Variants in BRD10 observed in about 807,000 individuals in gnomAD.
The protein encoded by BRD10 is uncharacterized bromodomain-containing protein 10.
At chr9:5,923,006 G>C in the BRD10 span, 1 of 1,613,846 alleles carries the variant, frequency 6.2e-7, no homozygotes, top group Non-Finnish European at 8.5e-7. Flanking sequence ...CTGGAGAGTA[G>C]ACACTGGTAC....
the BRD10 span, among the ~76,000 whole-genome samples, chr9:5,945,490 A>T: frequency 1.3e-5 from 2 of 152,158 alleles, no homozygotes; most frequent in Non-Finnish European, 2.9e-5. Flanking sequence ...AAACAAAATG[A>T]AGTACACATT....
the BRD10 span, among the ~76,000 whole-genome samples, chr9:5,993,312 T>TAAAA: frequency 0.024 from 2,774 of 116,002 alleles, 40 homozygotes; most frequent in Non-Finnish European, 0.031. Flanking sequence ...GAGACTCCAT[T>TAAAA]AAAAAAAAAA....
At chr9:5,920,787 T>C in the BRD10 span, 1 of 1,614,012 alleles carries the variant, frequency 6.2e-7, no homozygotes. Flanking sequence ...AAAGCTGATG[T>C]TAAACATTTA....
chr9:5,900,682 G>C, the BRD10 span, among the ~76,000 whole-genome samples: 1 of 152,016 alleles, frequency 6.6e-6, no homozygotes, highest in Non-Finnish European at 1.5e-5. Context: ...TTGGAATTTA[G>C]ATCTCTTAAA....
the BRD10 span, among the ~76,000 whole-genome samples, chr9:5,949,615 A>C: frequency 1.3e-5 from 2 of 152,174 alleles, no homozygotes; most frequent in Non-Finnish European, 2.9e-5. Context: ...AATCATGCAT[A>C]TGAAATGGGA....
chr9:5,927,010 T>C, the BRD10 span, among the ~76,000 whole-genome samples: 1 of 152,276 alleles, frequency 6.6e-6, no homozygotes, highest in African/African-American at 2.4e-5. Flanking sequence ...TGGAAGCACA[T>C]GAGGGCTGTG....
chr9:5,998,488 T>C, the BRD10 span, among the ~76,000 whole-genome samples: 1 of 152,138 alleles, frequency 6.6e-6, no homozygotes, highest in Non-Finnish European at 1.5e-5. Context: ...TCAAATCTTT[T>C]ATGATCCTTT....
At chr9:5,901,733 G>C in the BRD10 span, among the ~76,000 whole-genome samples, 5 of 150,968 alleles carry the variant, frequency 3.3e-5, no homozygotes, top group African/African-American at 1.2e-4. Flanking sequence ...TGTTGCCCAG[G>C]CTGGTCTCAA....
the BRD10 span, among the ~76,000 whole-genome samples, chr9:5,965,807 T>G: frequency 6.6e-6 from 1 of 152,186 alleles, no homozygotes. Context: ...AAGACTGGAT[T>G]AAGGTATGCC....
the BRD10 span, among the ~76,000 whole-genome samples, chr9:5,931,833 C>T: frequency 6.6e-6 from 1 of 152,100 alleles, no homozygotes; most frequent in Admixed American, 6.6e-5. Flanking sequence ...GAATGTGAGT[C>T]AAGTTTTTAT....
At chr9:5,990,757 G>C in the BRD10 span, among the ~76,000 whole-genome samples, 1 of 152,174 alleles carries the variant, frequency 6.6e-6, no homozygotes, top group Non-Finnish European at 1.5e-5. Flanking sequence ...AGGATGTAAG[G>C]AAGGAAAAAT....
chr9:5,955,383 A>G, the BRD10 span, among the ~76,000 whole-genome samples: 7 of 152,194 alleles, frequency 4.6e-5, no homozygotes, highest in African/African-American at 1.4e-4. Context: ...TTAAATGTCA[A>G]TATTTTTTTC....
chr9:5,914,118 A>T, the BRD10 span: 1 of 432,952 alleles, frequency 2.3e-6, no homozygotes, highest in Non-Finnish European at 4.6e-6. Context: ...AGCAGTTTAA[A>T]TTTCAGGTTT....
the BRD10 span, chr9:5,920,015 A>G: frequency 8.0e-5 from 129 of 1,613,904 alleles, 1 homozygote; most frequent in Non-Finnish European, 3.3e-5. Flanking sequence ...AGGAGGTGGA[A>G]CAGGAACCTT....
At chr9:5,933,776 C>G in the BRD10 span, 1 of 471,166 alleles carries the variant, frequency 2.1e-6, no homozygotes, top group Non-Finnish European at 4.4e-6. Flanking sequence ...CAACTGCATT[C>G]TGCTACAGTA....
the BRD10 span, chr9:5,968,155 C>T: frequency 6.3e-7 from 1 of 1,596,410 alleles, no homozygotes; most frequent in African/African-American, 1.3e-5. Flanking sequence ...AAACATCTTT[C>T]AATTTCTTTT....
the BRD10 span, among the ~76,000 whole-genome samples, chr9:5,935,879 A>T: frequency 6.6e-6 from 1 of 152,218 alleles, no homozygotes; most frequent in East Asian, 1.9e-4. Flanking sequence ...TCTTCCTTAG[A>T]TACAAAAGGT....
chr9:5,887,761 A>G, the BRD10 span, among the ~76,000 whole-genome samples: 1 of 152,182 alleles, frequency 6.6e-6, no homozygotes, highest in Non-Finnish European at 1.5e-5. Flanking sequence ...CTGGGAACTC[A>G]GTCTAAGTCA....
the BRD10 span, chr9:5,920,054 G>A: frequency 1.2e-6 from 2 of 1,613,998 alleles, no homozygotes; most frequent in Admixed American, 3.3e-5. Flanking sequence ...TTGTGGTGAT[G>A]TATGTACTGT....
Sources: gnomAD v4.1 joint callset for allele counts (sites outside exome capture counted in the v4.1 genomes callset) on GRCh38, gnomAD v4.1.1 for gene constraint, MANE v1.5 for transcripts, NCBI Gene and HGNC (gene_info 2026-07-23, HGNC 2026-07-21) for gene names.